ASCC3: variants seen among roughly 807,000 people sequenced by gnomAD.
ASCC3 encodes activating signal cointegrator 1 complex subunit 3, also known as ASC-1 complex subunit P200.
In ASCC3, 158 loss-of-function variants were observed where a neutral mutation model predicts 256.3. That is an observed-to-expected ratio of 0.62 (90% confidence interval 0.54 to 0.70). ASCC3 has a LOEUF of 0.70. Among genes scored for constraint, ASCC3 ranks in the 30% least tolerant of loss-of-function variants. ASCC3 has a pLI of 0.00. For missense variants in ASCC3, 2,259 were observed against 2,626.0 expected, an observed-to-expected ratio of 0.86 and a Z score of 3.05; for synonymous variants, 948 against 883.4, an observed-to-expected ratio of 1.07 and a Z score of -1.30.
At chr6:100,644,236 A>C in intron 22 of ASCC3, 107 bp from the exon 23 acceptor site, 1 of 777,068 alleles carries the variant, frequency 1.3e-6, no homozygotes, top group Non-Finnish European at 2.3e-6. Context: ...TTTATATTAC[A>C]AAGTTTACTC....
chr6:100,517,957 A>C (rs998188452), intron 38 of ASCC3, 34 bp downstream of exon 38: 6 of 1,606,820 alleles, frequency 3.7e-6, no homozygotes, highest in East Asian at 2.2e-5. Context: ...TGAAATCAAA[A>C]CAAAACAATT....
chr6:100,739,252 T>G (rs541430496), intron 10 of ASCC3, among the ~76,000 whole-genome samples: 2 of 152,368 alleles, frequency 1.3e-5, no homozygotes, highest in East Asian at 3.9e-4. Flanking sequence ...TTTATTCACT[T>G]GCATATGTTG....
intron 10 of ASCC3, among the ~76,000 whole-genome samples, chr6:100,745,675 T>C (rs1189480167): frequency 1.3e-5 from 2 of 151,906 alleles, no homozygotes; most frequent in East Asian, 2.0e-4. Flanking sequence ...TCCAAGTTGG[T>C]AGCCACTGGT....
chr6:100,656,358 C>A (rs2114921551), intron 16 of ASCC3, among the ~76,000 whole-genome samples: 1 of 151,610 alleles, frequency 6.6e-6, no homozygotes, highest in African/African-American at 2.4e-5. Context: ...AATATGAATA[C>A]AATAAAAAAT....
chr6:100,646,685 A>G lies in ASCC3; in HGVS notation c.3563T>C (p.Ile1188Thr), dbSNP rs1235927728. Residue 1188 changes from isoleucine (I) to threonine (T), a missense_variant, in exon 22 of 42, where the codon ATT (isoleucine) becomes ACT (threonine). Physicochemically the swap from Ile to Thr is moderately conservative, Grantham distance 89. This residue lies in a region of ASCC3 where 1,839 missense variants were observed against 2,206.7 expected (regional missense o/e 0.83). Transcript: ENST00000369162. ...QIPSVMMEAS[I>T]QPITRTVLRV... ...GAGGACAGTCCTTGTGATAGGCTGA[A>G]TGGATGCTTCCATCATAACAGAAGG... 1.9e-6 allele frequency: 3 copies of G among 1,613,640 alleles called. No homozygotes were observed. In the African/African-American group the frequency reaches 4.0e-5, roughly 22 times the overall value.
intron 16 of ASCC3, among the ~76,000 whole-genome samples, chr6:100,660,918 G>C (rs1255303802): frequency 1.8e-4 from 28 of 151,444 alleles, no homozygotes; most frequent in Admixed American, 1.8e-3. Flanking sequence ...TCTTAATAGA[G>C]AAAATGAAAT....
chr6:100,827,965 T>C (rs1771404943), intron 4 of ASCC3, among the ~76,000 whole-genome samples: 1 of 152,116 alleles, frequency 6.6e-6, no homozygotes, highest in Admixed American at 6.5e-5. Context: ...AGCTCAAAAC[T>C]AATATACAAG....
chr6:100,777,316 T>TA (rs1468105537), intron 8 of ASCC3, among the ~76,000 whole-genome samples: 7 of 152,056 alleles, frequency 4.6e-5, no homozygotes, highest in Non-Finnish European at 7.4e-5. Flanking sequence ...GGATACGTTT[T>TA]AAAAAAACTC....
At chr6:100,516,869 T>A (rs773520693) in intron 38 of ASCC3, among the ~76,000 whole-genome samples, 1 of 151,504 alleles carries the variant, frequency 6.6e-6, no homozygotes, top group Admixed American at 6.6e-5. Context: ...CTCTTAAGAG[T>A]GCTGTGAAAA....
At chr6:100,573,432 T>C (rs1770698080) in intron 36 of ASCC3, among the ~76,000 whole-genome samples, 1 of 152,104 alleles carries the variant, frequency 6.6e-6, no homozygotes, top group African/African-American at 2.4e-5. Flanking sequence ...TTAAACTTTA[T>C]TGGGATGAAA....
At chr6:100,810,429 A>C (rs1770405521) in intron 4 of ASCC3, among the ~76,000 whole-genome samples, 1 of 152,210 alleles carries the variant, frequency 6.6e-6, no homozygotes, top group South Asian at 2.1e-4. Context: ...TTGTTTCTCC[A>C]AGAGTTAAAA....
At chr6:100,559,044 G>T (rs767733336) in intron 36 of ASCC3, among the ~76,000 whole-genome samples, 1 of 152,076 alleles carries the variant, frequency 6.6e-6, no homozygotes, top group South Asian at 2.1e-4. Flanking sequence ...CTTAATAAAG[G>T]TTTATATCAT....
intron 4 of ASCC3, among the ~76,000 whole-genome samples, chr6:100,825,877 C>A (rs918131755): frequency 3.3e-5 from 5 of 151,624 alleles, no homozygotes; most frequent in Non-Finnish European, 7.4e-5. Flanking sequence ...GATATTCTTT[C>A]TTCTGCTTGA....
rs1229428465 is a variant in ASCC3 at position 100,823,653 on chromosome 6, A to T, written c.802-17773T>A. Among the ~76,000 whole-genome samples the T allele has an allele frequency of 2.0e-5, 3 of 152,186 alleles. No homozygotes were observed. In the East Asian group the frequency reaches 5.8e-4, roughly 29 times the overall value. ...CCTTATTCTTAAAATTAAATTTTTT[A>T]AGTAGTTTTTCATAAAATTCATGAA... On this transcript the variant is annotated intron_variant, in intron 4 of 41. Transcript: ENST00000369162.
At chr6:100,669,271 A>T (rs1429058856) in intron 14 of ASCC3, among the ~76,000 whole-genome samples, 1 of 149,306 alleles carries the variant, frequency 6.7e-6, no homozygotes, top group Non-Finnish European at 1.5e-5. Context: ...TAAAGTATTA[A>T]TCTTTACTAT....
intron 4 of ASCC3, among the ~76,000 whole-genome samples, chr6:100,846,138 TA>T (rs1772370120): frequency 1.3e-5 from 1 of 78,436 alleles, no homozygotes; most frequent in Non-Finnish European, 2.8e-5. Context: ...AGACAACACA[TA>T]AGGTATAGCA....
At chr6:100,765,462 C>T (rs961856185) in intron 10 of ASCC3, among the ~76,000 whole-genome samples, 1 of 152,140 alleles carries the variant, frequency 6.6e-6, no homozygotes, top group Non-Finnish European at 1.5e-5. Context: ...CATGATAAAA[C>T]CTTGGTCTCC....
intron 13 of ASCC3, 33 bp from the exon 14 acceptor site, chr6:100,679,785 C>T (rs1042816050): frequency 6.2e-7 from 1 of 1,604,500 alleles, no homozygotes; most frequent in Admixed American, 1.7e-5. Flanking sequence ...ATTTAATATT[C>T]CAATTAATTA....
intron 8 of ASCC3, among the ~76,000 whole-genome samples, chr6:100,772,141 A>G (rs1781966759): frequency 6.6e-6 from 1 of 152,144 alleles, no homozygotes; most frequent in Non-Finnish European, 1.5e-5. Context: ...TCAGCCTCCC[A>G]AAGTGCTGGG....
Sources: allele counts gnomAD v4.1 joint callset (sites outside exome capture counted in the v4.1 genomes callset), GRCh38; gene constraint gnomAD v4.1.1; regional missense constraint gnomAD v4.1.1; transcripts MANE v1.5; gene names NCBI Gene and HGNC (gene_info 2026-07-23, HGNC 2026-07-21).